BFAR: variants seen among roughly 807,000 people sequenced by gnomAD.
BFAR encodes the protein RING finger protein 47.
Under a neutral mutation model 54.4 loss-of-function variants are expected in BFAR, and 52 were observed. The observed-to-expected ratio is 0.96, with a 90% confidence interval of 0.77 to 1.21. BFAR has a LOEUF of 1.21. BFAR is among the 50% of genes most tolerant of loss of function. BFAR has a pLI of 0.00. For synonymous variants in BFAR, 215 were observed against 204.3 expected, an observed-to-expected ratio of 1.05 and a Z score of -0.45; for missense variants, 571 against 534.0, an observed-to-expected ratio of 1.07 and a Z score of -0.68.
rs916847142 is a variant in BFAR, at chr16:14,649,888, G to A, written c.553G>A (p.Glu185Lys). 2.5e-6 allele frequency: 4 copies of A among 1,613,488 alleles called. No individual in the cohort carries two copies. Among genetic ancestry groups the A allele is most frequent in the African/African-American group, 1.3e-5 (1 of 74,928 alleles). The change falls in exon 4 of 8, where the codon GAA becomes AAA. Residue 185 changes from glutamate to lysine, a missense_variant. Coordinates refer to ENST00000261658, the MANE Select transcript of BFAR (RefSeq NM_016561.3). The part of the protein sequence containing the change: ...VHKAVAKWTA[E>K]EVVLWLEQLG... ...CAAGGCTGTGGCCAAATGGACGGCG[G>A]AAGAAGTTGTCCTCTGGCTGGAGCA...
rs746227490 is a variant in BFAR at position 14,648,429 on chromosome 16, G to C, written c.305G>C (p.Arg102Thr). 6 of 1,613,760 alleles carry C rather than the reference G, an allele frequency of 3.7e-6. No individual in the cohort carries two copies. Among genetic ancestry groups the C allele is most frequent in the Non-Finnish European group, 5.1e-6 (6 of 1,179,760 alleles). The part of the protein sequence containing the change: ...EKLFPDAIRL[R>T]FEDIQQNNDI... ...TTATTTCCTGATGCCATTAGACTGA[G>C]ATTTGAAGACATTCAGCAGAATAAT... is the stretch of plus-strand genomic sequence containing the variant. Residue 102 changes from arginine (R) to threonine (T), a missense_variant, in exon 3 of 8, where the codon AGA becomes ACA. Physicochemically the swap from Arg to Thr is moderately conservative, Grantham distance 71 (BLOSUM62 -1). Transcript: ENST00000261658.
Position 14,644,624 on chromosome 16 carries a change from A to G in BFAR, c.263+15A>G, listed in dbSNP as rs2151837286. 1 of 1,603,208 alleles carries G rather than the reference A, an allele frequency of 6.2e-7. No individual in the cohort carries two copies. Among genetic ancestry groups the G allele is most frequent in the Non-Finnish European group, 8.5e-7 (1 of 1,174,888 alleles). On this transcript the variant is annotated intron_variant, in intron 2 of 7. Transcript: ENST00000261658. ...ATTCTCCTCAGGTAATGTTCAGCCT[A>G]TATTGGTAGCACAAACAGCCCATAA...
intron 5 of BFAR, among the ~76,000 whole-genome samples, chr16:14,660,852 A>C (rs1679220756): frequency 6.6e-6 from 1 of 151,686 alleles, no homozygotes; most frequent in African/African-American, 2.4e-5. Context: ...AGTGAGCCAA[A>C]AATGCACCAT....
At chr16:14,637,555 C>T (rs376989973) in intron 1 of BFAR, among the ~76,000 whole-genome samples, 2 of 152,118 alleles carry the variant, frequency 1.3e-5, no homozygotes, top group Non-Finnish European at 2.9e-5. Flanking sequence ...ATAATTGTCG[C>T]GGGGTGCAAT....
chr16:14,646,797 C>T (rs964547041), intron 2 of BFAR, among the ~76,000 whole-genome samples: 1 of 152,136 alleles, frequency 6.6e-6, no homozygotes, highest in Non-Finnish European at 1.5e-5. Flanking sequence ...CGCGCCCAGC[C>T]TCTTTTTAAA....
Position 14,668,935 on chromosome 16 carries a change from G to A in BFAR, c.*1108G>A, listed in dbSNP as rs1451539890. On this transcript the variant is annotated 3_prime_UTR_variant, in exon 8 of 8. Coordinates refer to ENST00000261658, the MANE Select transcript of BFAR (RefSeq NM_016561.3). Reference sequence around the variant, plus strand: ...GAGCTCACACTATATAATCTTTATTGTCCTATCCTGATGTATAATACAGCA... The same window carrying A: ...GAGCTCACACTATATAATCTTTATTATCCTATCCTGATGTATAATACAGCA... The A allele has an allele frequency of 6.7e-6, 2 of 296,734 alleles. No individual in the cohort carries two copies. The highest frequency in any genetic ancestry group is 1.4e-5 in the Non-Finnish European group (2 of 140,798). 18.4% of individuals were successfully genotyped at this position (296,734 alleles called of 1,614,324 possible).
chr16:14,665,039 C>T lies in BFAR; in HGVS notation c.1128C>T (p.Ser376=). 1 of 1,613,972 alleles carries T rather than the reference C, an allele frequency of 6.2e-7. No individual in the cohort carries two copies. Among genetic ancestry groups the T allele is most frequent in the Non-Finnish European group, 8.5e-7 (1 of 1,179,858 alleles). The change falls in exon 7 of 8, where the codon TCC becomes TCT. Residue 376 remains serine (S), a synonymous_variant. Transcript: ENST00000261658. ...AMLLSVLELF[S]FWRIWSRSEL... is the part of the protein sequence containing the mutation. ...TACTCTCAGTTCTGGAATTATTCTCCTTTTGGAGAATCTGGTCGAGAAGTG... is the reference window on the plus strand; with the variant it reads ...TACTCTCAGTTCTGGAATTATTCTCTTTTTGGAGAATCTGGTCGAGAAGTG...
At chr16:14,635,345 A>G (rs1486719361) in intron 1 of BFAR, among the ~76,000 whole-genome samples, 1 of 152,162 alleles carries the variant, frequency 6.6e-6, no homozygotes, top group Non-Finnish European at 1.5e-5. Context: ...AAAGACATAA[A>G]AGATTGAAAA....
intron 1 of BFAR, among the ~76,000 whole-genome samples, chr16:14,634,701 T>G (rs1443051305): frequency 6.6e-6 from 1 of 152,144 alleles, no homozygotes; most frequent in Non-Finnish European, 1.5e-5. Context: ...CAACAGCCCT[T>G]CGAAGTTGAC....
intron 1 of BFAR, among the ~76,000 whole-genome samples, chr16:14,638,949 GAAA>G (rs954746754): frequency 8.8e-6 from 1 of 113,944 alleles, no homozygotes; most frequent in African/African-American, 3.3e-5. Flanking sequence ...GTCTCAAAAA[GAAA>G]AAAAAAAAAA....
chr16:14,634,785 G>A (rs543254516), intron 1 of BFAR, among the ~76,000 whole-genome samples: 1 of 152,202 alleles, frequency 6.6e-6, no homozygotes, highest in Non-Finnish European at 1.5e-5. Context: ...TTGGAACCCA[G>A]ATCAGTGTCA....
Position 14,660,406 on chromosome 16 carries a change from C to G in BFAR, c.784-1486C>G, listed in dbSNP as rs796686414. 3.3e-5 allele frequency among the ~76,000 whole-genome samples: 5 copies of G among 151,890 alleles called. No individual in the cohort carries two copies. The South Asian group carries it at 1.0e-3, about 32-fold the overall frequency. ...GGTTCAAGTGATTGTCCTGTCTCAG[C>G]CTCCCGAGTAGCTGGGATTACAGGC... On this transcript the variant is annotated intron_variant, in intron 5 of 7. Transcript: ENST00000261658.
At chr16:14,649,101 A>G (rs569019541) in intron 3 of BFAR, among the ~76,000 whole-genome samples, 1 of 140,186 alleles carries the variant, frequency 7.1e-6, no homozygotes, top group Non-Finnish European at 1.5e-5. Context: ...TTTGAGATGA[A>G]GTCTTGCCCT....
intron 6 of BFAR, 58 bp downstream of exon 6, chr16:14,662,123 T>C: frequency 6.3e-7 from 1 of 1,587,300 alleles, no homozygotes. Flanking sequence ...TTTGCAGAGA[T>C]TGCTACCCAC....
At chr16:14,634,422 C>T (rs1959368859) in intron 1 of BFAR, among the ~76,000 whole-genome samples, 1 of 152,176 alleles carries the variant, frequency 6.6e-6, no homozygotes, top group South Asian at 2.1e-4. Context: ...TTTGGCAGTG[C>T]CACTAAGTAG....
In BFAR at chr16:14,648,605, C is replaced by T; in HGVS notation, c.468+13C>T. The T allele has an allele frequency of 6.3e-7, 1 of 1,596,872 alleles. No individual in the cohort carries two copies. Among genetic ancestry groups the T allele is most frequent in the Non-Finnish European group, 8.6e-7 (1 of 1,165,378 alleles). On this transcript the variant is annotated intron_variant, in intron 3 of 7. Coordinates refer to ENST00000261658, the MANE Select transcript of BFAR (RefSeq NM_016561.3). Reference sequence around the variant, plus strand: ...AACTGGAGTGGCAGTAAGTTGATCACTGTGTTCCTCTGTGCCCCCCCACAC... The same window carrying T: ...AACTGGAGTGGCAGTAAGTTGATCATTGTGTTCCTCTGTGCCCCCCCACAC...
intron 7 of BFAR, among the ~76,000 whole-genome samples, chr16:14,665,453 G>A (rs1366314187): frequency 6.6e-6 from 1 of 152,120 alleles, no homozygotes; most frequent in African/African-American, 2.4e-5. Flanking sequence ...GGGGCTGAAG[G>A]AAGAAGCTGG....
Position 14,655,077 on chromosome 16 carries a change from CT to C in BFAR, c.653del (p.Leu218Ter), listed in dbSNP as rs1396255572. On this transcript the variant is annotated frameshift_variant, in exon 5 of 8. Coordinates refer to ENST00000261658, the MANE Select transcript of BFAR (RefSeq NM_016561.3). LOFTEE classifies it high-confidence loss of function. ...CTGCCCCTCTACAGGTTGCTTTTAA[CT>C]TTGACAGAGGAAGAATTTTCCAAGA... The part of the protein sequence containing the change: ...SERVNGRLLL[T>X]LTEEEFSKTP... 1.0e-5 allele frequency: 16 copies of C among 1,605,984 alleles called. No individual in the cohort carries two copies. The highest frequency in any genetic ancestry group is 1.4e-5 in the Non-Finnish European group (16 of 1,177,806).
chr16:14,655,360 C>A, intron 5 of BFAR, 150 bp downstream of exon 5: 1 of 762,494 alleles, frequency 1.3e-6, no homozygotes, highest in Non-Finnish European at 1.8e-6. Flanking sequence ...CCTTCTCTGT[C>A]GCCCAGGCTG....
Sources: gnomAD v4.1 joint callset for allele counts (sites outside exome capture counted in the v4.1 genomes callset) on GRCh38, gnomAD v4.1.1 for gene constraint, MANE v1.5 for transcripts, NCBI Gene and HGNC (gene_info 2026-07-23, HGNC 2026-07-21) for gene names.